The following SP100 variants were observed in gnomAD, a reference collection of about 807,000 sequenced individuals.
SP100 encodes nuclear autoantigen Sp-100.
SP100 carries 84 observed loss-of-function variants against 130.0 expected under a neutral mutation model. The ratio of observed to expected loss-of-function variants is 0.65; its 90% CI spans 0.54 to 0.77. SP100 has a LOEUF of 0.77. SP100 is among the 30% of genes least tolerant of loss of function. The pLI is 0.00. For missense variants in SP100, 978 were observed against 1,052.2 expected, an observed-to-expected ratio of 0.93 and a Z score of 0.97; for synonymous variants, 331 against 351.7, an observed-to-expected ratio of 0.94 and a Z score of 0.66.
intron 2 of SP100, among the ~76,000 whole-genome samples, chr2:230,428,608 A>AT (rs2063008774): frequency 6.6e-6 from 1 of 151,958 alleles, no homozygotes. Context: ...ACACCCAGCT[A>AT]TTTTTTTGTA....
chr2:230,512,278 T>C (rs955954587), intron 24 of SP100, among the ~76,000 whole-genome samples: 2 of 17,892 alleles, frequency 1.1e-4, no homozygotes, highest in South Asian at 4.2e-3. Flanking sequence ...TGAAATGCCT[T>C]TTTTTTTTTT....
At chr2:230,452,841 G>A (rs1156579469) in intron 8 of SP100, among the ~76,000 whole-genome samples, 1 of 128,492 alleles carries the variant, frequency 7.8e-6, no homozygotes, top group African/African-American at 2.9e-5. Context: ...TTTTTTTGGT[G>A]GAGTCTTCGG....
intron 23 of SP100, chr2:230,508,936 C>CACACAT (rs1262162411): frequency 7.2e-6 from 1 of 138,934 alleles, no homozygotes; most frequent in Non-Finnish European, 1.5e-5. Context: ...CACACACACA[C>CACACAT]ACACACACAC....
chr2:230,517,041 G>A (rs969895251), intron 24 of SP100, among the ~76,000 whole-genome samples: 4 of 151,790 alleles, frequency 2.6e-5, no homozygotes, highest in Non-Finnish European at 4.4e-5. Context: ...ACATTTTATC[G>A]ATAACATACT....
At chr2:230,542,154 T>C in intron 28 of SP100, 119 bp downstream of exon 28, 1 of 1,067,524 alleles carries the variant, frequency 9.4e-7, no homozygotes, top group Non-Finnish European at 1.4e-6. Flanking sequence ...GACAAGCCCA[T>C]ACAAGTACAA....
At chr2:230,497,710 A>G (rs1297956167) in intron 18 of SP100, among the ~76,000 whole-genome samples, 1 of 152,220 alleles carries the variant, frequency 6.6e-6, no homozygotes, top group Non-Finnish European at 1.5e-5. Context: ...ATCTAACAGC[A>G]TATTCCTGAA....
chr2:230,438,177 T>A (rs1038384424), intron 2 of SP100, among the ~76,000 whole-genome samples: 1 of 152,216 alleles, frequency 6.6e-6, no homozygotes, highest in Admixed American at 6.5e-5. Context: ...ATCGATATCA[T>A]CAATATTGAT....
intron 8 of SP100, among the ~76,000 whole-genome samples, chr2:230,453,998 G>T (rs899459538): frequency 1.3e-5 from 2 of 152,022 alleles, no homozygotes; most frequent in Non-Finnish European, 2.9e-5. Context: ...AGATTTTCCT[G>T]TTTCTTTGTT....
intron 19 of SP100, 72 bp downstream of exon 19, chr2:230,498,607 T>C (rs971672502): frequency 9.5e-6 from 8 of 840,676 alleles, no homozygotes; most frequent in Non-Finnish European, 3.4e-6. Context: ...AACATTTTTT[T>C]CCTAAATGCT....
intron 24 of SP100, among the ~76,000 whole-genome samples, chr2:230,513,950 A>G (rs1481685868): frequency 2.0e-5 from 3 of 152,260 alleles, no homozygotes; most frequent in Admixed American, 6.5e-5. Flanking sequence ...CAACTTGAAA[A>G]CACAATAGAA....
chr2:230,535,922 A>G (rs1228400978), intron 24 of SP100, among the ~76,000 whole-genome samples: 1 of 150,590 alleles, frequency 6.6e-6, no homozygotes, highest in East Asian at 2.0e-4. Context: ...AAAAAAAAAA[A>G]AAAAAAAAAA....
At chr2:230,515,034 A>G in intron 24 of SP100, 1 of 1,597,896 alleles carries the variant, frequency 6.3e-7, no homozygotes, top group Non-Finnish European at 8.5e-7. Flanking sequence ...TGGACAAAGC[A>G]GATCCTAAGA....
At chr2:230,533,426 G>A (rs1216838686) in intron 24 of SP100, among the ~76,000 whole-genome samples, 4 of 152,140 alleles carry the variant, frequency 2.6e-5, no homozygotes, top group Non-Finnish European at 5.9e-5. Flanking sequence ...CTAAATCACA[G>A]TGTTTGTGAC....
At chr2:230,438,686 CAT>C (rs1459429980) in intron 2 of SP100, among the ~76,000 whole-genome samples, 101 of 148,360 alleles carry the variant, frequency 6.8e-4, no homozygotes, top group African/African-American at 1.5e-3. Context: ...CACACACACA[CAT>C]ATGGTATATA....
At chr2:230,512,206 G>T (rs186804239) in intron 24 of SP100, among the ~76,000 whole-genome samples, 3 of 147,386 alleles carry the variant, frequency 2.0e-5, no homozygotes, top group Non-Finnish European at 4.5e-5. Flanking sequence ...AAAGCCAAAT[G>T]TGAGGAGTGA....
In SP100 at chr2:230,542,994, T is replaced by C. The variant is rs774379227; in HGVS notation, c.*48T>C. 2.8e-6 allele frequency: 3 copies of C among 1,072,036 alleles called. No individual in the cohort carries two copies. The highest frequency in any genetic ancestry group is 1.8e-5 in the Admixed American group (1 of 56,606). The allele number at this position is 1,072,036 out of a possible 1,614,324, so 66.4% of individuals were successfully genotyped here. A position where few individuals can be genotyped will look rare whatever the true frequency, so the allele number is the denominator to read the frequency against. ...GATCCTCTGGCAGCTAGCTACGCAA[T>C]GTGCCTGTGGTCCCACTAATCTGTG... On this transcript the variant is annotated 3_prime_UTR_variant, in exon 29 of 29. Coordinates refer to ENST00000340126, the MANE Select transcript of SP100 (RefSeq NM_001080391.2).
chr2:230,456,303 G>A (rs2064272737), intron 8 of SP100, among the ~76,000 whole-genome samples: 1 of 152,102 alleles, frequency 6.6e-6, no homozygotes, highest in Admixed American at 6.5e-5. Flanking sequence ...TCCCTCATAT[G>A]TTAGTTGCTT....
chr2:230,498,191 A>T (rs2066804720), intron 18 of SP100, among the ~76,000 whole-genome samples: 1 of 152,200 alleles, frequency 6.6e-6, no homozygotes, highest in African/African-American at 2.4e-5. Flanking sequence ...ATTCTTTGGG[A>T]TATAAATGAA....
intron 4 of SP100, among the ~76,000 whole-genome samples, chr2:230,446,572 C>T (rs184460774): frequency 1.4e-4 from 21 of 152,356 alleles, no homozygotes; most frequent in African/African-American, 4.6e-4. Context: ...TAACACAGCT[C>T]ACAATGTTTC....
Sources: allele counts gnomAD v4.1 joint callset (sites outside exome capture counted in the v4.1 genomes callset), GRCh38; gene constraint gnomAD v4.1.1; transcripts MANE v1.5; gene names NCBI Gene and HGNC (gene_info 2026-07-23, HGNC 2026-07-21).